Variants in SIRPB1 observed in about 807,000 individuals in gnomAD.
SIRPB1 encodes the protein signal-regulatory protein beta-1.
A neutral mutation model predicts 34.1 loss-of-function variants in SIRPB1; 28 were observed. The observed-to-expected ratio is 0.82, with a 90% CI of 0.61 to 1.12. SIRPB1 has a LOEUF of 1.12. Among genes scored for constraint, SIRPB1 ranks in the 50% most tolerant of loss-of-function variants. The pLI is 0.00. For synonymous variants in SIRPB1, 211 were observed against 203.8 expected (o/e 1.04, Z -0.30); for missense variants, 499 against 507.0 (o/e 0.98, Z 0.15).
In SIRPB1 at chr20:1,589,969, A is replaced by G. The variant is rs1339844644; in HGVS notation, c.77-11275T>C. Among the ~76,000 whole-genome samples the G allele has an allele frequency of 4.0e-5, 2 of 49,718 alleles. 1 individual carries two copies. Among genetic ancestry groups the G allele is most frequent in the Non-Finnish European group, 7.8e-5 (2 of 25,650 alleles). 32.6% of individuals were successfully genotyped at this position (49,718 alleles called of 152,430 possible). A position where few individuals can be genotyped will look rare whatever the true frequency, so the allele number is the denominator to read the frequency against. ...GTAAATGGAAGTTATAACATGCACC[A>G]ACATGCACCTTGTAGAGATGGGGTA... On this transcript the variant is annotated intron_variant, in intron 1 of 5. Transcript: ENST00000381605.
chr20:1,613,266 T>C lies in SIRPB1; in HGVS notation c.76+6603A>G, dbSNP rs75791578. Among the ~76,000 whole-genome samples, 2 of 73,972 alleles carry C rather than the reference T, an allele frequency of 2.7e-5. 1 individual carries two copies. Among genetic ancestry groups the C allele is most frequent in the South Asian group, 1.1e-3 (2 of 1,770 alleles). The allele number at this position is 73,972 out of a possible 152,430, so 48.5% of individuals were successfully genotyped here. On this transcript the variant is annotated intron_variant, in intron 1 of 5. Coordinates refer to ENST00000381605, the MANE Select transcript of SIRPB1 (RefSeq NM_006065.5). ...TTCAAATTCTAGAGTTTTCTCACAT[T>C]CCTTTCTCACAGTTACATCTTCCCA...
intron 2 of SIRPB1, among the ~76,000 whole-genome samples, chr20:1,572,411 T>G (rs887542178): frequency 2.0e-5 from 3 of 151,608 alleles, no homozygotes; most frequent in African/African-American, 7.3e-5. Flanking sequence ...AGAGAGGGCA[T>G]TTATAGAAGC....
Position 1,585,972 on chromosome 20 carries a change from A to T in SIRPB1, c.77-7278T>A, listed in dbSNP as rs2091420716. 4.0e-5 allele frequency among the ~76,000 whole-genome samples: 2 copies of T among 49,410 alleles called. 1 individual carries two copies. Among genetic ancestry groups the T allele is most frequent in the African/African-American group, 2.7e-4 (2 of 7,464 alleles). 32.4% of individuals were successfully genotyped at this position (49,410 alleles called of 152,430 possible). A position where few individuals can be genotyped will look rare whatever the true frequency, so the allele number is the denominator to read the frequency against. ...AATATGAATTAACCAAGATGGTATTATGCTAAGTGAAACAAGCCAGGCACA... is the reference window on the plus strand; with the variant it reads ...AATATGAATTAACCAAGATGGTATTTTGCTAAGTGAAACAAGCCAGGCACA... On this transcript the variant is annotated intron_variant, in intron 1 of 5. Transcript: ENST00000381605.
chr20:1,617,459 C>T (rs190757350), intron 1 of SIRPB1, among the ~76,000 whole-genome samples: 7 of 152,222 alleles, frequency 4.6e-5, no homozygotes, highest in Middle Eastern at 3.4e-3. Flanking sequence ...TGCATAATGT[C>T]TCTCATATGT....
At chr20:1,616,529 C>T (rs79462675) in intron 1 of SIRPB1, among the ~76,000 whole-genome samples, 1 of 152,078 alleles carries the variant, frequency 6.6e-6, no homozygotes, top group African/African-American at 2.4e-5. Flanking sequence ...TAAAATTAGA[C>T]CTTCCTCTCA....
chr20:1,569,968 AG>A (rs1454006547), intron 4 of SIRPB1, among the ~76,000 whole-genome samples: 2 of 152,368 alleles, frequency 1.3e-5, no homozygotes, highest in Non-Finnish European at 2.9e-5. Flanking sequence ...CTTGGGACAA[AG>A]CGCAGCAGAA....
intron 4 of SIRPB1, among the ~76,000 whole-genome samples, chr20:1,568,434 CA>C (rs1266432287): frequency 6.6e-6 from 1 of 152,130 alleles, no homozygotes; most frequent in Non-Finnish European, 1.5e-5. Context: ...TGAAAGAACC[CA>C]AAAATGGCAG....
In SIRPB1 at chr20:1,601,295, G is replaced by C. The variant is rs2091475268; in HGVS notation, c.76+18574C>G. Among the ~76,000 whole-genome samples the C allele has an allele frequency of 4.1e-5, 2 of 48,538 alleles. 1 individual carries two copies. Among genetic ancestry groups the C allele is most frequent in the African/African-American group, 2.7e-4 (2 of 7,312 alleles). 31.8% of individuals were successfully genotyped at this position (48,538 alleles called of 152,430 possible). On this transcript the variant is annotated intron_variant, in intron 1 of 5. Coordinates refer to ENST00000381605, the MANE Select transcript of SIRPB1 (RefSeq NM_006065.5). ...GGAAGTTGTGGGACCCTGAGATGTG[G>C]GAGGGAATGTTTGGGTCAAAGCACT...
At chr20:1,577,067 T>C (rs2091322544) in intron 2 of SIRPB1, among the ~76,000 whole-genome samples, 2 of 148,478 alleles carry the variant, frequency 1.3e-5, no homozygotes, top group South Asian at 4.2e-4. Context: ...TGTCCTGATG[T>C]GGAATCTCGA....
chr20:1,598,946 A>G lies in SIRPB1; in HGVS notation c.77-20252T>C, dbSNP rs2122266428. ...GAAGCCAGTGCTGGGCCTGGAAATC[A>G]GGAGACAGGAGAAGTTAGGAAGGGG... On this transcript the variant is annotated intron_variant, in intron 1 of 5. Transcript: ENST00000381605. The G allele has an allele frequency of 1.3e-5, 6 of 475,600 alleles. 3 individuals carry two copies. In the African/African-American group the frequency reaches 3.3e-4, roughly 26 times the overall value. The allele number at this position is 475,600 out of a possible 1,614,324, so 29.5% of individuals were successfully genotyped here. A position where few individuals can be genotyped will look rare whatever the true frequency, so the allele number is the denominator to read the frequency against.
intron 1 of SIRPB1, among the ~76,000 whole-genome samples, chr20:1,619,287 T>C (rs1448438549): frequency 1.3e-5 from 2 of 152,138 alleles, no homozygotes; most frequent in Non-Finnish European, 2.9e-5. Context: ...ATGTGGAACT[T>C]CTTAAAGAGG....
intron 4 of SIRPB1, among the ~76,000 whole-genome samples, chr20:1,569,343 A>T (rs1189197296): frequency 6.6e-6 from 1 of 152,256 alleles, no homozygotes; most frequent in East Asian, 1.9e-4. Context: ...AGATGATATG[A>T]GGAAATTATT....
chr20:1,581,848 T>A lies in SIRPB1; in HGVS notation c.77-3154A>T, dbSNP rs955766465. Among the ~76,000 whole-genome samples, 4 of 47,698 alleles carry A rather than the reference T, an allele frequency of 8.4e-5. 2 individuals are homozygous for A. The highest frequency in any genetic ancestry group is 5.6e-4 in the African/African-American group (4 of 7,110). The allele number at this position is 47,698 out of a possible 152,430, so 31.3% of individuals were successfully genotyped here. A position where few individuals can be genotyped will look rare whatever the true frequency, so the allele number is the denominator to read the frequency against. On this transcript the variant is annotated intron_variant, in intron 1 of 5. Transcript: ENST00000381605. ...TTCTTGTGCTATGCTATGTACAGCT[T>A]TGTGTTGCCTTTTGGAGTGCTGCCA...
chr20:1,569,018 T>TG (rs2091184914), intron 4 of SIRPB1, among the ~76,000 whole-genome samples: 1 of 152,188 alleles, frequency 6.6e-6, no homozygotes, highest in Non-Finnish European at 1.5e-5. Context: ...TTGCAGACCC[T>TG]GCAGACACCA....
intron 4 of SIRPB1, among the ~76,000 whole-genome samples, chr20:1,568,912 A>G (rs2091183210): frequency 6.6e-6 from 1 of 152,220 alleles, no homozygotes; most frequent in Non-Finnish European, 1.5e-5. Flanking sequence ...AATCTTTTGA[A>G]AACACCAATA....
chr20:1,566,088 G>C, intron 5 of SIRPB1, 65 bp downstream of exon 5: 2 of 976,454 alleles, frequency 2.0e-6, no homozygotes, highest in Non-Finnish European at 3.2e-6. Context: ...ATGTGAGCTG[G>C]GCCCTCCTGC....
chr20:1,619,521 G>T (rs1038474169), intron 1 of SIRPB1, among the ~76,000 whole-genome samples: 3 of 152,196 alleles, frequency 2.0e-5, no homozygotes, highest in Admixed American at 6.5e-5. Context: ...CCCTGTTAGG[G>T]TGTCTCTGAG....
chr20:1,610,913 A>G (rs199959660), intron 1 of SIRPB1, among the ~76,000 whole-genome samples: 1 of 73,112 alleles, frequency 1.4e-5, no homozygotes, highest in Non-Finnish European at 2.6e-5. Flanking sequence ...TGCTGTTTGC[A>G]CAGCATCTAG....
chr20:1,561,964 T>C lies in SIRPB1; in HGVS notation c.*3536A>G, dbSNP rs897472285. 5.3e-5 allele frequency among the ~76,000 whole-genome samples: 8 copies of C among 152,198 alleles called. No individual in the cohort carries two copies. The highest frequency in any genetic ancestry group is 2.9e-5 in the Non-Finnish European group (2 of 68,032). On this transcript the variant is annotated 3_prime_UTR_variant, in exon 6 of 6. Transcript: ENST00000381605. Reference sequence around the variant, plus strand: ...TCTGCACTGGAGATTCTTCTCTTCTTTCCCATTAATTTATTCAATCATTTA... The same window carrying C: ...TCTGCACTGGAGATTCTTCTCTTCTCTCCCATTAATTTATTCAATCATTTA...
Sources: gnomAD v4.1 joint callset for allele counts (sites outside exome capture counted in the v4.1 genomes callset) on GRCh38, gnomAD v4.1.1 for gene constraint, MANE v1.5 for transcripts, NCBI Gene and HGNC (gene_info 2026-07-23, HGNC 2026-07-21) for gene names.